OAS2: variants seen among roughly 807,000 people sequenced by gnomAD.
OAS2 encodes the protein 2'-5'-oligoadenylate synthetase 2, also known as 2'-5'-oligoadenylate synthase 2.
In OAS2, 67 loss-of-function variants were observed where a neutral mutation model predicts 71.3. The observed-to-expected ratio is 0.94, with a 90% CI of 0.77 to 1.15. The LOEUF (loss-of-function observed/expected upper bound fraction) is 1.15, where lower values mean the gene tolerates loss of function less well. Among genes scored for constraint, OAS2 ranks in the 50% most tolerant of loss-of-function variants. The pLI, the probability that OAS2 is intolerant of heterozygous loss-of-function variation, is 0.00. For synonymous variants in OAS2, 327 were observed against 321.8 expected (o/e 1.02, Z -0.17); for missense variants, 789 against 822.5 (o/e 0.96, Z 0.50).
rs1315082973 is a variant in OAS2 at position 113,007,928 on chromosome 12, A to C, written c.1880A>C (p.Gln627Pro). Residue 627 changes from glutamine (Q) to proline (P), a missense_variant, in exon 9 of 10, where the codon CAG (glutamine) becomes CCG (proline). Gln to Pro is a moderately conservative substitution (Grantham distance 76). Coordinates refer to ENST00000392583, the MANE Select transcript of OAS2 (RefSeq NM_002535.3). The part of the protein sequence containing the change: ...DETVRKFLLS[Q>P]LQKTRPVILD... ...ACCGTGAGGAAGTTTCTACTGAGCC[A>C]GTTGCAGAAAACCAGGTGCCTTCAC... The C allele has an allele frequency of 1.9e-6, 3 of 1,613,796 alleles. No homozygotes were observed. Among genetic ancestry groups the C allele is most frequent in the Admixed American group, 1.7e-5 (1 of 60,022 alleles).
intron 1 of OAS2, among the ~76,000 whole-genome samples, chr12:112,985,078 AT>A (rs1316546815): frequency 6.6e-6 from 1 of 152,108 alleles, no homozygotes; most frequent in African/African-American, 2.4e-5. Flanking sequence ...TATTTTCAGA[AT>A]TATATGTTTG....
rs150359930 is a variant in OAS2 at position 112,998,312 on chromosome 12, G to C, written c.910G>C (p.Asp304His). 3.7e-6 allele frequency: 6 copies of C among 1,612,376 alleles called. No homozygotes were observed. In the East Asian group the frequency reaches 1.3e-4, roughly 36 times the overall value. Reference protein sequence around the residue: ...PVDPTNNVSGDKICWQWLKKE... With the variant: ...PVDPTNNVSGHKICWQWLKKE... ...TGACCCAACCAATAATGTGAGTGGA[G>C]ATAAAATATGCTGGCAATGGCTGAA... The change falls in exon 5 of 10, where the codon GAT becomes CAT. Residue 304 changes from aspartate (D) to histidine (H), a missense_variant. Transcript: ENST00000392583.
At chr12:112,980,117 GT>G (rs1346745045) in intron 1 of OAS2, among the ~76,000 whole-genome samples, 3 of 151,916 alleles carry the variant, frequency 2.0e-5, no homozygotes, top group Non-Finnish European at 4.4e-5. Flanking sequence ...ATTCTACTGT[GT>G]TTTTTTATTT....
intron 1 of OAS2, among the ~76,000 whole-genome samples, chr12:112,979,436 C>A (rs529553233): frequency 6.6e-6 from 1 of 152,166 alleles, no homozygotes; most frequent in Admixed American, 6.5e-5. Context: ...GGTCTCTACC[C>A]CTTGCACACA....
intron 1 of OAS2, among the ~76,000 whole-genome samples, chr12:112,979,974 A>G (rs2044065105): frequency 6.6e-6 from 1 of 152,234 alleles, no homozygotes; most frequent in South Asian, 2.1e-4. Context: ...CATAAATGGC[A>G]TCATGGGCTC....
In OAS2 at chr12:112,978,605, A is replaced by G; in HGVS notation, c.-4A>G. 1.2e-6 allele frequency: 2 copies of G among 1,613,678 alleles called. No individual in the cohort carries two copies. The highest frequency in any genetic ancestry group is 1.7e-6 in the Non-Finnish European group (2 of 1,179,804). Reference sequence around the variant, plus strand: ...ACTGTCTTGCCGGCAGCCAGCTGAGAGCAATGGGAAATGGGGAGTCCCAGC... The same window carrying G: ...ACTGTCTTGCCGGCAGCCAGCTGAGGGCAATGGGAAATGGGGAGTCCCAGC... On this transcript the variant is annotated 5_prime_UTR_variant, in exon 1 of 10. Coordinates refer to ENST00000392583, the MANE Select transcript of OAS2 (RefSeq NM_002535.3). This position sits in a 1 kb window ranked among gnomAD's most constrained non-coding sequence, Gnocchi z 4.2.
intron 6 of OAS2, among the ~76,000 whole-genome samples, chr12:113,003,986 C>G (rs73432801): frequency 6.6e-6 from 1 of 152,202 alleles, no homozygotes; most frequent in Non-Finnish European, 1.5e-5. Context: ...GCTTTCTCCT[C>G]TCCTTCCTGA....
At position 113,003,643 on chromosome 12, in the gene OAS2, C is replaced by T. The variant is rs573178988; in HGVS notation, c.1179+541C>T. On this transcript the variant is annotated intron_variant, in intron 6 of 9. Transcript: ENST00000392583. ...CCTTCTCCTTTGAGTGACTGGAGCC[C>T]GGCTTGCCCCATCAGCTGAGCTAGA... 5.9e-5 allele frequency among the ~76,000 whole-genome samples: 9 copies of T among 152,262 alleles called. No homozygotes were observed. In the South Asian group the frequency reaches 1.5e-3, roughly 25 times the overall value.
intron 2 of OAS2, among the ~76,000 whole-genome samples, chr12:112,993,952 T>A (rs1166871585): frequency 1.8e-5 from 1 of 55,694 alleles, no homozygotes; most frequent in Non-Finnish European, 2.8e-5. Flanking sequence ...TTTGTTTGGT[T>A]GTTTTTTTGT....
intron 6 of OAS2, among the ~76,000 whole-genome samples, chr12:113,003,457 G>A (rs2044306720): frequency 6.6e-6 from 1 of 152,018 alleles, no homozygotes; most frequent in Admixed American, 6.6e-5. Flanking sequence ...TAGGATTTAG[G>A]GCCCAGCCTG....
chr12:112,999,670 T>C (rs2044266748), intron 5 of OAS2, among the ~76,000 whole-genome samples: 2 of 152,210 alleles, frequency 1.3e-5, no homozygotes, highest in African/African-American at 4.8e-5. Flanking sequence ...CTACTTTCAC[T>C]GGACCCCTGG....
At chr12:113,002,460 CGCACATG>C (rs1354327954) in intron 5 of OAS2, among the ~76,000 whole-genome samples, 4 of 152,208 alleles carry the variant, frequency 2.6e-5, no homozygotes, top group Non-Finnish European at 5.9e-5. Context: ...CCAACACACC[CGCACATG>C]GCGTGTTTAA....
chr12:113,004,186 C>T (rs1014497547), intron 6 of OAS2, among the ~76,000 whole-genome samples: 4 of 152,112 alleles, frequency 2.6e-5, no homozygotes, highest in Admixed American at 6.5e-5. Context: ...GAGGAGCCGC[C>T]GAAGCCCACC....
chr12:112,997,726 C>T lies in OAS2; in HGVS notation c.834C>T (p.Asn278=), dbSNP rs2044248589. Residue 278 remains asparagine (N), a synonymous_variant, in exon 4 of 10, where the codon AAC becomes AAT. Coordinates refer to ENST00000392583, the MANE Select transcript of OAS2 (RefSeq NM_002535.3). ...NYNFEDETIR[N]ILLHQLQSAR... ...ACTTTGAAGATGAGACCATCAGGAA[C>T]ATCCTGCTGCACCAGCTCCAATCAG... 3.7e-6 allele frequency: 6 copies of T among 1,606,588 alleles called. No individual in the cohort carries two copies. Among genetic ancestry groups the T allele is most frequent in the East Asian group, 2.2e-5 (1 of 44,698 alleles).
rs112521547 is a variant in OAS2, at chr12:112,995,195, G to A, written c.449-101G>A. On this transcript the variant is annotated intron_variant, in intron 2 of 9. Coordinates refer to ENST00000392583, the MANE Select transcript of OAS2 (RefSeq NM_002535.3). ...TCCTCTGACCGATTAAGCAAGAGTC[G>A]TGTGCTATCAAACTATAACTGACCT... is the stretch of plus-strand genomic sequence containing the variant. The A allele has an allele frequency of 2.4e-4, 246 of 1,030,876 alleles. 2 individuals carry two copies. In the African/African-American group the frequency reaches 3.3e-3, roughly 14 times the overall value. 63.9% of individuals were successfully genotyped at this position (1,030,876 alleles called of 1,614,324 possible).
chr12:112,998,908 T>C (rs997106089), intron 5 of OAS2, among the ~76,000 whole-genome samples: 1 of 152,214 alleles, frequency 6.6e-6, no homozygotes, highest in African/African-American at 2.4e-5. Flanking sequence ...TCATCGATAC[T>C]GTAGGTTGGA....
In OAS2 at chr12:113,005,156, T is replaced by A. The variant is rs752386653; in HGVS notation, c.1402T>A (p.Ser468Thr). ...KWKAPRVLSF[S>T]LKSKVLNESV... Reference sequence around the variant, plus strand: ...GAAGGCTCCCAGGGTGCTGAGCTTCTCTCTGAAATCCAAAGTCCTCAACGA... The same window carrying A: ...GAAGGCTCCCAGGGTGCTGAGCTTCACTCTGAAATCCAAAGTCCTCAACGA... The change falls in exon 7 of 10, where the codon TCT becomes ACT. Residue 468 changes from serine to threonine, a missense_variant. Coordinates refer to ENST00000392583, the MANE Select transcript of OAS2 (RefSeq NM_002535.3). 4 of 1,614,162 alleles carry A rather than the reference T, an allele frequency of 2.5e-6. No individual in the cohort carries two copies. In the Admixed American group the frequency reaches 6.7e-5, roughly 27 times the overall value.
rs2044372527 is a variant in OAS2 at position 113,010,619 on chromosome 12, C to T, written c.*1364C>T. ...TCTTGAAATCAATCAAGACTGCAAA[C>T]CCTTTCATAAAGTCTTGCCTTGCTG... On this transcript the variant is annotated 3_prime_UTR_variant, in exon 10 of 10. Transcript: ENST00000392583. The T allele has an allele frequency of 2.2e-6, 3 of 1,351,416 alleles. No individual in the cohort carries two copies. In the South Asian group the frequency reaches 5.1e-5, roughly 23 times the overall value. 83.7% of individuals were successfully genotyped at this position (1,351,416 alleles called of 1,614,324 possible).
Position 113,010,766 on chromosome 12 carries a change from C to G in OAS2, c.*1511C>G, listed in dbSNP as rs927157566. The G allele has an allele frequency of 4.4e-6, 1 of 229,642 alleles. No homozygotes were observed. Among genetic ancestry groups the G allele is most frequent in the African/African-American group, 2.3e-5 (1 of 43,366 alleles). 14.2% of individuals were successfully genotyped at this position (229,642 alleles called of 1,614,324 possible). A position where few individuals can be genotyped will look rare whatever the true frequency, so the allele number is the denominator to read the frequency against. On this transcript the variant is annotated 3_prime_UTR_variant, in exon 10 of 10. Coordinates refer to ENST00000392583, the MANE Select transcript of OAS2 (RefSeq NM_002535.3). ...TTTTTCCAATTAGCTCCTCCTTTTT[C>G]CTTCCAGTCTAAAAAAGGAATCCTC...
Sources: allele counts gnomAD v4.1 joint callset (sites outside exome capture counted in the v4.1 genomes callset), GRCh38; gene constraint gnomAD v4.1.1; non-coding constraint Gnocchi (gnomAD v3.1); transcripts MANE v1.5; gene names NCBI Gene and HGNC (gene_info 2026-07-23, HGNC 2026-07-21).